NAALADL2: variants seen among roughly 807,000 people sequenced by gnomAD.
NAALADL2 encodes the protein inactive N-acetylated-alpha-linked acidic dipeptidase-like protein 2.
In NAALADL2, 76 loss-of-function variants were observed where a neutral mutation model predicts 87.2. The observed-to-expected ratio is 0.87, with a 90% confidence interval of 0.72 to 1.05. NAALADL2 has a LOEUF of 1.05. NAALADL2 is among the 50% of genes least tolerant of loss of function. The probability of loss-of-function intolerance (pLI) is 0.00; values close to 1 mark genes in which losing one functional copy is unlikely to be tolerated. For synonymous variants in NAALADL2, 354 were observed against 331.0 expected (o/e 1.07, Z -0.75); for missense variants, 1,089 against 945.8 (o/e 1.15, Z -1.99).
chr3:175,718,415 A>G (rs1400926625), intron 11 of NAALADL2: 13 of 1,589,582 alleles, frequency 8.2e-6, no homozygotes, highest in Non-Finnish European at 8.6e-7. Flanking sequence ...AATTTTTGTT[A>G]CAAATCTTAA....
intron 12 of NAALADL2, among the ~76,000 whole-genome samples, chr3:175,745,433 A>G (rs1183821175): frequency 6.6e-6 from 1 of 152,186 alleles, no homozygotes; most frequent in African/African-American, 2.4e-5. Flanking sequence ...AACTCTCTCA[A>G]ATACCAAAAT....
chr3:175,014,744 C>T (rs922027831), intron 1 of NAALADL2, among the ~76,000 whole-genome samples: 3 of 152,116 alleles, frequency 2.0e-5, no homozygotes, highest in African/African-American at 7.2e-5. Flanking sequence ...GCATCCCAAA[C>T]ACTATCTAAT....
intron 5 of NAALADL2, among the ~76,000 whole-genome samples, chr3:175,435,880 A>C (rs962852721): frequency 6.8e-5 from 10 of 146,852 alleles, no homozygotes; most frequent in African/African-American, 2.5e-4. Context: ...TTTAAGTTTT[A>C]GGGTACATGT....
intron 9 of NAALADL2, among the ~76,000 whole-genome samples, chr3:175,541,989 T>C (rs1046007236): frequency 3.9e-5 from 6 of 152,248 alleles, no homozygotes; most frequent in Middle Eastern, 3.4e-3. Flanking sequence ...AAAGTGTTAA[T>C]TGTAAGTGTG....
At chr3:175,256,374 G>A in intron 3 of NAALADL2, 37 bp from the exon 4 acceptor site, 1 of 1,575,900 alleles carries the variant, frequency 6.3e-7, no homozygotes, top group African/African-American at 1.4e-5. Context: ...TTCTTCCTCT[G>A]AGGCTTTATT....
At chr3:174,696,929 A>T (rs1009809023) in intron 2 of NAALADL2, among the ~76,000 whole-genome samples, 1 of 152,106 alleles carries the variant, frequency 6.6e-6, no homozygotes, top group African/African-American at 2.4e-5. Context: ...CAAGTGTAAA[A>T]TTCAAGGCAG....
intron 9 of NAALADL2, among the ~76,000 whole-genome samples, chr3:175,489,107 G>A (rs774825491): frequency 6.6e-6 from 1 of 152,046 alleles, no homozygotes; most frequent in Non-Finnish European, 1.5e-5. Context: ...AAGTATTTAC[G>A]CTGACCCTAA....
At chr3:175,305,407 A>G (rs184196621) in intron 4 of NAALADL2, among the ~76,000 whole-genome samples, 1 of 152,236 alleles carries the variant, frequency 6.6e-6, no homozygotes, top group African/African-American at 2.4e-5. Context: ...AAAGATGTAC[A>G]TCTCTTGTGT....
At chr3:175,790,345 A>ATGATACCTATTTGCCTTCTCAGTTTT (rs1560018584) in intron 13 of NAALADL2, among the ~76,000 whole-genome samples, 1 of 152,106 alleles carries the variant, frequency 6.6e-6, no homozygotes, top group Non-Finnish European at 1.5e-5. Context: ...GGAACTCAAG[A>ATGATACCTATTTGCCTTCTCAGTTTT]TGATACCTAT....
intron 1 of NAALADL2, among the ~76,000 whole-genome samples, chr3:174,889,265 A>G (rs919520035): frequency 2.6e-5 from 4 of 152,102 alleles, no homozygotes; most frequent in African/African-American, 9.7e-5. Flanking sequence ...AGGTGACCCA[A>G]CCATACTTTA....
chr3:175,569,823 TACACACACACAC>T (rs34518577), intron 9 of NAALADL2, among the ~76,000 whole-genome samples: 21 of 147,400 alleles, frequency 1.4e-4, no homozygotes, highest in Admixed American at 1.2e-3. Context: ...GACCAACTAA[TACACACACACAC>T]ACACACACAC....
At chr3:175,762,057 G>C (rs1265018935) in intron 13 of NAALADL2, among the ~76,000 whole-genome samples, 3 of 152,002 alleles carry the variant, frequency 2.0e-5, no homozygotes, top group African/African-American at 7.3e-5. Flanking sequence ...TACCTCAAAA[G>C]TTATTGTCAA....
chr3:174,501,783 TC>T (rs1241618852), intron 1 of NAALADL2, among the ~76,000 whole-genome samples: 1 of 152,002 alleles, frequency 6.6e-6, no homozygotes. Flanking sequence ...ATATCTTTTT[TC>T]TTTTTTTGCT....
intron 3 of NAALADL2, among the ~76,000 whole-genome samples, chr3:174,784,761 C>T (rs967021250): frequency 6.6e-6 from 1 of 152,178 alleles, no homozygotes; most frequent in Non-Finnish European, 1.5e-5. Flanking sequence ...CCCTATTCAA[C>T]TGGTGAATAA....
At chr3:174,827,387 G>A (rs1260537643) in intron 3 of NAALADL2, among the ~76,000 whole-genome samples, 1 of 152,144 alleles carries the variant, frequency 6.6e-6, no homozygotes, top group Admixed American at 6.6e-5. Flanking sequence ...AAAGCATGGA[G>A]GGGAGAGTAT....
intron 1 of NAALADL2, among the ~76,000 whole-genome samples, chr3:174,921,054 A>G (rs201956925): frequency 6.6e-6 from 1 of 152,210 alleles, no homozygotes; most frequent in Non-Finnish European, 1.5e-5. Flanking sequence ...ACAGATCACA[A>G]TAACAGATAT....
intron 1 of NAALADL2, among the ~76,000 whole-genome samples, chr3:174,547,200 G>A (rs747104618): frequency 6.6e-6 from 1 of 152,050 alleles, no homozygotes; most frequent in Non-Finnish European, 1.5e-5. Flanking sequence ...ATCATGAAAT[G>A]ATAATAAGCA....
At chr3:174,645,005 A>G (rs1723632619) in intron 2 of NAALADL2, among the ~76,000 whole-genome samples, 1 of 152,290 alleles carries the variant, frequency 6.6e-6, no homozygotes, top group African/African-American at 2.4e-5. Context: ...CAAGGTAGTG[A>G]AAGGATGAGA....
chr3:175,489,317 T>G (rs924687169), intron 9 of NAALADL2, among the ~76,000 whole-genome samples: 1 of 152,214 alleles, frequency 6.6e-6, no homozygotes, highest in African/African-American at 2.4e-5. Context: ...ATTTTATATT[T>G]GGTTGCATGG....
Sources: gnomAD v4.1 joint callset for allele counts (sites outside exome capture counted in the v4.1 genomes callset) on GRCh38, gnomAD v4.1.1 for gene constraint, MANE v1.5 for transcripts, NCBI Gene and HGNC (gene_info 2026-07-23, HGNC 2026-07-21) for gene names.